GUCY2C: variants seen among roughly 807,000 people sequenced by gnomAD.
GUCY2C encodes guanylate cyclase 2C.
GUCY2C carries 118 observed loss-of-function variants against 131.1 expected under a neutral mutation model. The observed-to-expected ratio is 0.90, with a 90% CI of 0.78 to 1.05. GUCY2C has a LOEUF of 1.05. Ranked by LOEUF, GUCY2C falls within the 50% of genes least tolerant of loss-of-function variation. The probability of loss-of-function intolerance (pLI) is 0.00; values close to 1 mark genes in which losing one functional copy is unlikely to be tolerated. For synonymous variants in GUCY2C, 452 were observed against 457.8 expected (o/e 0.99, Z 0.16); for missense variants, 1,161 against 1,304.4 (o/e 0.89, Z 1.69).
intron 24 of GUCY2C, among the ~76,000 whole-genome samples, chr12:14,618,520 TAAAC>T (rs911416208): frequency 2.6e-5 from 4 of 151,816 alleles, no homozygotes; most frequent in African/African-American, 9.7e-5. Flanking sequence ...CTCAAACAAA[TAAAC>T]AAAAATCAAT....
Position 14,651,816 on chromosome 12 carries a change from G to T in GUCY2C, c.1605+143C>A, listed in dbSNP as rs937595791. The T allele has an allele frequency of 1.5e-5, 9 of 580,912 alleles. No homozygotes were observed. In the South Asian group the frequency reaches 1.9e-4, roughly 13 times the overall value. 36.0% of individuals were successfully genotyped at this position (580,912 alleles called of 1,614,324 possible). ...TCAACCTCACTTTCCAATATCTCTT[G>T]GTAGAATTTTCAACAAGAAATATAG... On this transcript the variant is annotated intron_variant, in intron 14 of 26. Coordinates refer to ENST00000261170, the MANE Select transcript of GUCY2C (RefSeq NM_004963.4).
intron 1 of GUCY2C, among the ~76,000 whole-genome samples, chr12:14,692,610 G>A (rs1948594398): frequency 1.3e-5 from 2 of 152,198 alleles, no homozygotes; most frequent in South Asian, 4.1e-4. Flanking sequence ...CACTTTGGGA[G>A]GCCGAGGCGG....
chr12:14,664,703 A>G (rs1592126658), intron 10 of GUCY2C, among the ~76,000 whole-genome samples: 1 of 152,298 alleles, frequency 6.6e-6, no homozygotes, highest in African/African-American at 2.4e-5. Flanking sequence ...ATATGATATT[A>G]CGGTTGGAAG....
At chr12:14,670,027 C>A (rs552332218) in intron 9 of GUCY2C, among the ~76,000 whole-genome samples, 194 bp from the exon 10 acceptor site, 1 of 152,252 alleles carries the variant, frequency 6.6e-6, no homozygotes, top group South Asian at 2.1e-4. Context: ...TCAGATGGAC[C>A]GATTAGTTTC....
chr12:14,641,435 A>T (rs189496047), intron 17 of GUCY2C, among the ~76,000 whole-genome samples: 1 of 152,260 alleles, frequency 6.6e-6, no homozygotes, highest in East Asian at 1.9e-4. Context: ...CTAACTATGA[A>T]ATGTTAGGAT....
chr12:14,654,977 G>A (rs1441779040), intron 12 of GUCY2C, among the ~76,000 whole-genome samples: 2 of 152,156 alleles, frequency 1.3e-5, no homozygotes, highest in Admixed American at 1.3e-4. Context: ...TGTAACAAAT[G>A]GCTGGGTTTC....
In GUCY2C at chr12:14,672,784, C is replaced by CT. The variant is rs913116348; in HGVS notation, c.1170+88dup. The stretch of plus-strand genomic sequence containing the variant: ...TCTTCAGATCCTAAACATAATTTCT[C>CT]TAATTCTTTTGCTAGTGCTCCTCTT... On this transcript the variant is annotated intron_variant, in intron 9 of 26. Transcript: ENST00000261170. 1.2e-5 allele frequency: 9 copies of CT among 750,514 alleles called. No homozygotes were observed. In the Admixed American group the frequency reaches 1.5e-4, roughly 13 times the overall value. The allele number at this position is 750,514 out of a possible 1,614,324, so 46.5% of individuals were successfully genotyped here.
chr12:14,619,051 CA>C (rs546620395), intron 24 of GUCY2C, 159 bp downstream of exon 24: 32 of 543,006 alleles, frequency 5.9e-5, no homozygotes, highest in African/African-American at 5.7e-4. Flanking sequence ...GCAAATGTAG[CA>C]AAAGGTGGAT....
In GUCY2C at chr12:14,656,530, G is replaced by C; in HGVS notation, c.1452C>G (p.Thr484=). 2 of 1,573,344 alleles carry C rather than the reference G, an allele frequency of 1.3e-6. No individual in the cohort carries two copies. Among genetic ancestry groups the C allele is most frequent in the Non-Finnish European group, 1.7e-6 (2 of 1,143,238 alleles). Residue 484 remains threonine, a synonymous_variant, in exon 12 of 27, where the codon ACC becomes ACG. Transcript: ENST00000261170. ...GCTTTACCTTGAGGCTAACATGATT[G>C]GTCTCATTGGTCTCCAGAGGAAAGA... ...ENIFPLETNE[T]NHVSLKIDDD... is the part of the protein sequence containing the mutation.
chr12:14,643,464 T>A (rs1198717205), intron 17 of GUCY2C, 110 bp downstream of exon 17: 1 of 893,832 alleles, frequency 1.1e-6, no homozygotes, highest in East Asian at 2.4e-5. Flanking sequence ...TTGTCTCTTG[T>A]GGCTTTAAGT....
rs1258403066 is a variant in GUCY2C, at chr12:14,674,641, C to G, written c.1068G>C (p.Arg356Ser). 6.2e-7 allele frequency: 1 copy of G among 1,613,680 alleles called. No homozygotes were observed. Among genetic ancestry groups the G allele is most frequent in the African/African-American group, 1.3e-5 (1 of 74,996 alleles). ...ITTPKFAHAF[R>S]NLTFEGYDGP... ...GACCAGTACCTTCAAAAGTGAGATT[C>G]CTGAAAGCATGAGCAAATTTGGGGG... Residue 356 changes from arginine (R) to serine (S), a missense_variant, in exon 8 of 27, where the codon AGG becomes AGC. Coordinates refer to ENST00000261170, the MANE Select transcript of GUCY2C (RefSeq NM_004963.4).
chr12:14,679,355 C>A (rs1194892924), intron 6 of GUCY2C, among the ~76,000 whole-genome samples: 2 of 152,082 alleles, frequency 1.3e-5, no homozygotes, highest in African/African-American at 2.4e-5. Flanking sequence ...TGTGAGTGAC[C>A]ATAGCCAGCC....
chr12:14,673,964 GAA>G (rs1948170688), intron 8 of GUCY2C, among the ~76,000 whole-genome samples: 1 of 152,182 alleles, frequency 6.6e-6, no homozygotes, highest in Non-Finnish European at 1.5e-5. Context: ...AGCCTACAGA[GAA>G]AGTCACTTAC....
intron 25 of GUCY2C, among the ~76,000 whole-genome samples, chr12:14,615,805 C>G (rs972359975): frequency 5.3e-5 from 8 of 152,112 alleles, no homozygotes; most frequent in African/African-American, 1.9e-4. Context: ...TGTTAGGACA[C>G]TTTTACGTAA....
Position 14,615,045 on chromosome 12 carries a change from C to T in GUCY2C, c.2971-102G>A, listed in dbSNP as rs142317986. The T allele has an allele frequency of 9.8e-4, 573 of 583,936 alleles. 2 individuals are homozygous for T. The African/African-American group carries it at 0.01, about 10-fold the overall frequency. 36.2% of individuals were successfully genotyped at this position (583,936 alleles called of 1,614,324 possible). A position where few individuals can be genotyped will look rare whatever the true frequency, so the allele number is the denominator to read the frequency against. On this transcript the variant is annotated intron_variant, in intron 25 of 26. Transcript: ENST00000261170. ...CTGTTTCTGTGACATGTTTCACTTCCGCATTTCTCATCAGTGCCAATATTT... is the reference window on the plus strand; with the variant it reads ...CTGTTTCTGTGACATGTTTCACTTCTGCATTTCTCATCAGTGCCAATATTT...
intron 7 of GUCY2C, among the ~76,000 whole-genome samples, chr12:14,675,095 C>A (rs1319096130): frequency 2.0e-5 from 3 of 150,500 alleles, no homozygotes; most frequent in Non-Finnish European, 4.4e-5. Flanking sequence ...CCTGTAATTC[C>A]AGCTACTCAG....
In GUCY2C at chr12:14,631,708, T is replaced by G. The variant is rs1947150444; in HGVS notation, c.2158-2971A>C. On this transcript the variant is annotated intron_variant, in intron 19 of 26. Coordinates refer to ENST00000261170, the MANE Select transcript of GUCY2C (RefSeq NM_004963.4). ...ATAAACATACGTGTGCATGTGTCTT[T>G]ATAGCAGCATGATTTATAGTCCTTT... Among the ~76,000 whole-genome samples, 2 of 146,482 alleles carry G rather than the reference T, an allele frequency of 1.4e-5. 1 individual carries two copies. The highest frequency in any genetic ancestry group is 1.4e-4 in the Admixed American group (2 of 14,594).
intron 3 of GUCY2C, among the ~76,000 whole-genome samples, chr12:14,685,026 C>T (rs1002384036): frequency 2.0e-5 from 3 of 152,092 alleles, no homozygotes; most frequent in Non-Finnish European, 2.9e-5. Flanking sequence ...TCTCACTGTG[C>T]CTTGTATTGG....
At chr12:14,682,212 A>G (rs1243464928) in intron 4 of GUCY2C, among the ~76,000 whole-genome samples, 1 of 152,112 alleles carries the variant, frequency 6.6e-6, no homozygotes, top group Non-Finnish European at 1.5e-5. Flanking sequence ...CCCAAATATC[A>G]TCTTGAATTG....
Sources: gnomAD v4.1 joint callset for allele counts (sites outside exome capture counted in the v4.1 genomes callset) on GRCh38, gnomAD v4.1.1 for gene constraint, MANE v1.5 for transcripts, NCBI Gene and HGNC (gene_info 2026-07-23, HGNC 2026-07-21) for gene names.